The following CFAP69 variants were observed in gnomAD, a reference collection of about 807,000 sequenced individuals.
The protein encoded by CFAP69 is cilia and flagella associated protein 69, also known as cilia- and flagella-associated protein 69.
In CFAP69, 92 loss-of-function variants were observed where a neutral mutation model predicts 123.0. The ratio of observed to expected loss-of-function variants is 0.75; its 90% confidence interval spans 0.63 to 0.89. CFAP69 has a LOEUF of 0.89. CFAP69 is among the 40% of genes least tolerant of loss of function. CFAP69 has a pLI of 0.00. For missense variants in CFAP69, 1,067 were observed against 1,096.9 expected (o/e 0.97, Z 0.39); for synonymous variants, 380 against 364.3 (o/e 1.04, Z -0.49).
At chr7:90,320,730 GAAGA>G in the CFAP69 span, 1 of 152,354 alleles carries the variant, frequency 6.6e-6, no homozygotes, top group Non-Finnish European at 1.5e-5. Flanking sequence ...AAGTTGGGCT[GAAGA>G]GAGAAATCAT....
At chr7:90,261,673 A>T (rs1751098711) in intron 3 of CFAP69, among the ~76,000 whole-genome samples, 1 of 152,204 alleles carries the variant, frequency 6.6e-6, no homozygotes, top group South Asian at 2.1e-4. Context: ...GATCAACTGA[A>T]TCTGTGTTGT....
At position 90,271,528 on chromosome 7, in the gene CFAP69, T is replaced by C. The variant is rs757416665; in HGVS notation, c.535T>C (p.Tyr179His). 2.5e-6 allele frequency: 4 copies of C among 1,610,114 alleles called. No individual in the cohort carries two copies. Among genetic ancestry groups the C allele is most frequent in the Non-Finnish European group, 3.4e-6 (4 of 1,178,946 alleles). The change falls in exon 7 of 23, where the codon TAC (tyrosine) becomes CAC (histidine). Residue 179 changes from tyrosine to histidine, a missense_variant and splice_region_variant. Coordinates refer to ENST00000389297, the MANE Select transcript of CFAP69 (RefSeq NM_001039706.3). ...AEPPKKHIPG[Y>H]QQASSSYKIQ... ...ATTTATTAATGAATTGTTGTTAGGT[T>C]ACCAGCAAGCGAGTTCATCATACAA...
At position 90,283,045 on chromosome 7, in the gene CFAP69, A is replaced by G; in HGVS notation, c.1526A>G (p.Gln509Arg). ...GATCTTTGTGAAAAGGGAACAATTC[A>G]GCAAATGATAGGTAAAATATAACAT... ...NKDLCEKGTI[Q>R]QMIGIFKNII... Residue 509 changes from glutamine to arginine, a missense_variant, in exon 13 of 23, where the codon CAG becomes CGG. By Grantham distance (43) the Gln-to-Arg change is conservative. Coordinates refer to ENST00000389297, the MANE Select transcript of CFAP69 (RefSeq NM_001039706.3). The G allele has an allele frequency of 6.4e-7, 1 of 1,553,206 alleles. No homozygotes were observed. Among genetic ancestry groups the G allele is most frequent in the Non-Finnish European group, 8.7e-7 (1 of 1,152,758 alleles).
intron 2 of CFAP69, among the ~76,000 whole-genome samples, chr7:90,257,880 T>C (rs1347975757): frequency 1.3e-5 from 2 of 152,196 alleles, no homozygotes; most frequent in African/African-American, 2.4e-5. Flanking sequence ...TTCCTTTGGA[T>C]AAATACCCAG....
rs781023829 is a variant in CFAP69, at chr7:90,271,642, G to T, written c.649G>T (p.Val217Leu). The T allele has an allele frequency of 1.2e-6, 2 of 1,613,476 alleles. No individual in the cohort carries two copies. Among genetic ancestry groups the T allele is most frequent in the Admixed American group, 3.3e-5 (2 of 60,002 alleles). ...AAATCAACTTGTTGAGAAACTTTGG[G>T]TACTTAAAGTTCTGCAGCATCTCTC... Reference protein sequence around the residue: ...LENQLVEKLWVLKVLQHLSTS... With the variant: ...LENQLVEKLWLLKVLQHLSTS... Residue 217 changes from valine to leucine, a missense_variant, in exon 7 of 23, where the codon GTA (valine) becomes TTA (leucine). Coordinates refer to ENST00000389297, the MANE Select transcript of CFAP69 (RefSeq NM_001039706.3).
At chr7:90,252,222 A>G (rs79308206) in intron 1 of CFAP69, among the ~76,000 whole-genome samples, 22,706 of 151,938 alleles carry the variant, frequency 0.15, 2,067 homozygotes, top group Non-Finnish European at 0.2. Flanking sequence ...ATCACTGCCA[A>G]ATCCCCAAAT....
intron 3 of CFAP69, among the ~76,000 whole-genome samples, chr7:90,260,745 G>C (rs1401984315): frequency 6.6e-6 from 1 of 152,020 alleles, no homozygotes; most frequent in Non-Finnish European, 1.5e-5. Flanking sequence ...TACTAGCAGG[G>C]ATTTCTTTTC....
downstream of CFAP69, among the ~76,000 whole-genome samples, chr7:90,313,306 A>T (rs759302341): frequency 3.1e-4 from 47 of 152,220 alleles, no homozygotes; most frequent in Non-Finnish European, 5.9e-5. Flanking sequence ...CATTCTGCCA[A>T]CACAACCTTA....
At chr7:90,306,826 T>TA (rs976901698) in intron 19 of CFAP69, 75 bp from the exon 20 acceptor site, 2 of 888,036 alleles carry the variant, frequency 2.3e-6, no homozygotes, top group African/African-American at 3.4e-5. Context: ...ACTAACCATA[T>TA]AAAAAATTGT....
chr7:90,287,867 T>A, intron 14 of CFAP69: 1 of 480,022 alleles, frequency 2.1e-6, no homozygotes, highest in Non-Finnish European at 2.7e-6. Flanking sequence ...ATGATAGTTC[T>A]TACTATCTAA....
At chr7:90,308,357 C>T (rs763799444) in intron 21 of CFAP69, among the ~76,000 whole-genome samples, 57 of 152,228 alleles carry the variant, frequency 3.7e-4, no homozygotes, top group Non-Finnish European at 6.6e-4. Flanking sequence ...AAGCTAGAAA[C>T]TAATCTAAAA....
chr7:90,286,368 C>G lies in CFAP69; in HGVS notation c.1625C>G (p.Ser542Cys). The G allele has an allele frequency of 6.2e-7, 1 of 1,612,106 alleles. No homozygotes were observed. The highest frequency in any genetic ancestry group is 1.1e-5 in the South Asian group (1 of 90,674). The stretch of plus-strand genomic sequence containing the variant: ...CAGTCTGATATATTACTTATCCTAT[C>G]TGGCCTTTGTGAGAATCACATTCAA... The part of the protein sequence containing the change: ...EIQSDILLIL[S>C]GLCENHIQRK... The change falls in exon 14 of 23, where the codon TCT becomes TGT. Residue 542 changes from serine (S) to cysteine (C), a missense_variant. Ser to Cys is a moderately radical substitution (Grantham distance 112, BLOSUM62 -1). Transcript: ENST00000389297.
chr7:90,282,591 A>T (rs1056354805), intron 12 of CFAP69, among the ~76,000 whole-genome samples: 3 of 152,202 alleles, frequency 2.0e-5, no homozygotes, highest in African/African-American at 7.2e-5. Flanking sequence ...ATTAAAATTA[A>T]TAATCTAGAT....
At chr7:90,310,008 T>C (rs1442224805) in intron 22 of CFAP69, 60 bp from the exon 23 acceptor site, 1 of 1,414,694 alleles carries the variant, frequency 7.1e-7, no homozygotes, top group African/African-American at 1.4e-5. Flanking sequence ...ATGAATGAGT[T>C]TTTCTCTTGT....
At chr7:90,254,122 C>A (rs1176012699) in intron 1 of CFAP69, among the ~76,000 whole-genome samples, 2 of 152,018 alleles carry the variant, frequency 1.3e-5, no homozygotes, top group Non-Finnish European at 1.5e-5. Context: ...GTTCTTGGTA[C>A]CTTTGTCAAA....
At chr7:90,315,473 G>T (rs1051866247), downstream of CFAP69, among the ~76,000 whole-genome samples, 1 of 152,150 alleles carries the variant, frequency 6.6e-6, no homozygotes, top group Non-Finnish European at 1.5e-5. Context: ...GGAGGTGGAG[G>T]CCATTATCCC....
intron 15 of CFAP69, among the ~76,000 whole-genome samples, chr7:90,292,596 G>A (rs1219532311): frequency 1.3e-5 from 2 of 152,142 alleles, no homozygotes; most frequent in African/African-American, 2.4e-5. Context: ...TCAAATTCTG[G>A]AGAAATTGGG....
intron 4 of CFAP69, 109 bp from the exon 5 acceptor site, chr7:90,265,192 A>G: frequency 1.6e-6 from 1 of 612,960 alleles, no homozygotes; most frequent in Non-Finnish European, 2.8e-6. Flanking sequence ...AGAATAGAAT[A>G]TTATTATTAA....
At chr7:90,258,811 A>G (rs564834281) in intron 3 of CFAP69, among the ~76,000 whole-genome samples, 43 of 152,334 alleles carry the variant, frequency 2.8e-4, no homozygotes, top group African/African-American at 8.9e-4. Context: ...TGTAAATAAA[A>G]TTGAAGAAAC....
Sources: gnomAD v4.1 joint callset for allele counts (sites outside exome capture counted in the v4.1 genomes callset) on GRCh38, gnomAD v4.1.1 for gene constraint, MANE v1.5 for transcripts, NCBI Gene and HGNC (gene_info 2026-07-23, HGNC 2026-07-21) for gene names.